Variants in FAM240B observed in about 807,000 individuals in gnomAD.
FAM240B encodes protein FAM240B.
rs191993963 is a variant in FAM240B, at chr9:38,717,356, G to A, written c.-4+2666C>T. ...GGCATTTTGGGAGGCCAAGGCGGGC[G>A]GATCACGAGGTCAGGAGATCGAGAC... On this transcript the variant is annotated intron_variant, in intron 1 of 2. Coordinates refer to ENST00000637493, the MANE Select transcript of FAM240B (RefSeq NM_001394922.1). Among the ~76,000 whole-genome samples the A allele has an allele frequency of 6.7e-3, 1,023 of 152,146 alleles. 4 individuals are homozygous for A. Among genetic ancestry groups the A allele is most frequent in the Non-Finnish European group, 8.7e-3 (595 of 68,004 alleles).
intron 2 of FAM240B, among the ~76,000 whole-genome samples, chr9:38,703,219 T>G (rs569073601): frequency 6.6e-6 from 1 of 152,338 alleles, no homozygotes; most frequent in Non-Finnish European, 1.5e-5. Context: ...TTTATGATGT[T>G]TTGACATCTT....
intron 1 of FAM240B, among the ~76,000 whole-genome samples, chr9:38,709,069 CT>C (rs1821223972): frequency 1.3e-5 from 2 of 152,078 alleles, no homozygotes; most frequent in African/African-American, 4.8e-5. Flanking sequence ...ATCACATTTA[CT>C]GAGTGATGCT....
intron 2 of FAM240B, among the ~76,000 whole-genome samples, 198 bp downstream of exon 2, chr9:38,703,659 T>A (rs766350580): frequency 6.6e-6 from 1 of 152,178 alleles, no homozygotes; most frequent in Non-Finnish European, 1.5e-5. Flanking sequence ...AACTTCTTCC[T>A]TCCAAGTCTT....
At chr9:38,711,663 T>C (rs749560796) in intron 1 of FAM240B, among the ~76,000 whole-genome samples, 10,867 of 143,306 alleles carry the variant, frequency 0.076, 593 homozygotes, top group East Asian at 0.29. Context: ...CTTCTTCTTT[T>C]TTTTTTTTTT....
rs957879859 is a variant in FAM240B, at chr9:38,718,575, T to G, written c.-4+1447A>C. ...GCTTTTCTAACTCAAAAAAATACCGTGCTGAATTAATGAATTGATGAGTCA... is the reference window on the plus strand; with the variant it reads ...GCTTTTCTAACTCAAAAAAATACCGGGCTGAATTAATGAATTGATGAGTCA... On this transcript the variant is annotated intron_variant, in intron 1 of 2. Coordinates refer to ENST00000637493, the MANE Select transcript of FAM240B (RefSeq NM_001394922.1). 4.6e-5 allele frequency among the ~76,000 whole-genome samples: 7 copies of G among 152,256 alleles called. No individual in the cohort carries two copies. In the East Asian group the frequency reaches 1.4e-3, roughly 29 times the overall value.
At chr9:38,701,478 GT>G (rs1466796117) in intron 2 of FAM240B, among the ~76,000 whole-genome samples, 5 of 152,136 alleles carry the variant, frequency 3.3e-5, no homozygotes, top group African/African-American at 1.2e-4. Context: ...AAACCACAAG[GT>G]TTTAATTCAT....
At chr9:38,712,159 C>T (rs1156478100) in intron 1 of FAM240B, among the ~76,000 whole-genome samples, 1 of 152,118 alleles carries the variant, frequency 6.6e-6, no homozygotes. Context: ...AAAGGACTTA[C>T]ATAGGAGAAA....
chr9:38,705,626 A>G (rs1006876959), intron 1 of FAM240B: 1 of 151,660 alleles, frequency 6.6e-6, no homozygotes, highest in Non-Finnish European at 1.5e-5. Flanking sequence ...AGAAGAAATA[A>G]CATTTATTAT....
At chr9:38,706,123 A>T (rs990103789) in intron 1 of FAM240B, among the ~76,000 whole-genome samples, 17 of 152,200 alleles carry the variant, frequency 1.1e-4, no homozygotes, top group Non-Finnish European at 1.5e-4. Flanking sequence ...AATAATTTTT[A>T]AATATATTTT....
chr9:38,712,896 C>A (rs568432300), intron 1 of FAM240B, among the ~76,000 whole-genome samples: 1 of 152,138 alleles, frequency 6.6e-6, no homozygotes, highest in Non-Finnish European at 1.5e-5. Context: ...CTTCACCCCC[C>A]ACAGTTTGAG....
At chr9:38,705,259 C>G (rs1821175495) in intron 1 of FAM240B, 1 of 152,296 alleles carries the variant, frequency 6.6e-6, no homozygotes, top group Non-Finnish European at 1.5e-5. Context: ...CCTGGGGCAC[C>G]CAAAGGATTA....
intron 1 of FAM240B, among the ~76,000 whole-genome samples, chr9:38,709,167 C>T (rs1048654300): frequency 1.3e-5 from 2 of 152,194 alleles, no homozygotes; most frequent in African/African-American, 2.4e-5. Context: ...TGTTATTTCA[C>T]AGCCTCACTG....
chr9:38,705,068 T>A (rs2119004929), intron 1 of FAM240B, among the ~76,000 whole-genome samples: 1 of 152,346 alleles, frequency 6.6e-6, no homozygotes, highest in African/African-American at 2.4e-5. Context: ...GTGGCTCACT[T>A]TCCAGATCTT....
At chr9:38,702,732 C>T (rs928706464) in intron 2 of FAM240B, among the ~76,000 whole-genome samples, 4 of 152,098 alleles carry the variant, frequency 2.6e-5, no homozygotes, top group Admixed American at 2.6e-4. Flanking sequence ...CCACATTACC[C>T]TTCTCCCAAG....
At position 38,700,588 on chromosome 9, in the gene FAM240B, C is replaced by A. The variant is rs10973983; in HGVS notation, c.143+3269G>T. On this transcript the variant is annotated intron_variant, in intron 2 of 2. Coordinates refer to ENST00000637493, the MANE Select transcript of FAM240B (RefSeq NM_001394922.1). The stretch of plus-strand genomic sequence containing the variant: ...GACTGTAGTCAATGATTATACCAAA[C>A]TGATAGGTGTCCATCCAAACTGCCC... Among the ~76,000 whole-genome samples, 501 of 152,356 alleles carry A rather than the reference C, an allele frequency of 3.3e-3. 9 individuals are homozygous for A. The East Asian group carries it at 0.05, about 15-fold the overall frequency.
intron 2 of FAM240B, among the ~76,000 whole-genome samples, chr9:38,701,934 C>T (rs9777043): frequency 0.029 from 4,397 of 151,236 alleles, 198 homozygotes; most frequent in African/African-American, 0.1. Context: ...AATCTGTCAT[C>T]TTATTAGTCA....
intron 2 of FAM240B, among the ~76,000 whole-genome samples, chr9:38,700,722 T>C (rs922574808): frequency 6.6e-6 from 1 of 152,246 alleles, no homozygotes; most frequent in Non-Finnish European, 1.5e-5. Context: ...TTTGGGGGAC[T>C]AACCCATCCA....
intron 1 of FAM240B, among the ~76,000 whole-genome samples, chr9:38,704,473 T>C (rs952763635): frequency 2.0e-5 from 3 of 152,234 alleles, no homozygotes; most frequent in Non-Finnish European, 2.9e-5. Context: ...AGTTGTAATA[T>C]CTTACTAGTT....
chr9:38,694,592 G>C lies in FAM240B; in HGVS notation c.*184C>G, dbSNP rs1270852858. On this transcript the variant is annotated 3_prime_UTR_variant, in exon 3 of 3. Transcript: ENST00000637493. ...GCGGTCATCCTGTCCTCTGTGCGGA[G>C]GGGATTGAGCAGGATAATAACTCCC... is the stretch of plus-strand genomic sequence containing the variant. 1 of 392,386 alleles carries C rather than the reference G, an allele frequency of 2.5e-6. No homozygotes were observed. The highest frequency in any genetic ancestry group is 4.5e-6 in the Non-Finnish European group (1 of 222,676). 24.3% of individuals were successfully genotyped at this position (392,386 alleles called of 1,614,324 possible).
Sources: gnomAD v4.1 joint callset for allele counts (sites outside exome capture counted in the v4.1 genomes callset) on GRCh38, gnomAD v4.1.1 for gene constraint, MANE v1.5 for transcripts, NCBI Gene and HGNC (gene_info 2026-07-23, HGNC 2026-07-21) for gene names.